Variants in KIAA1217 observed in about 807,000 individuals in gnomAD.
KIAA1217 encodes KIAA1217.
KIAA1217 carries 88 observed loss-of-function variants against 163.9 expected under a neutral mutation model. The observed-to-expected ratio is 0.54, with a 90% confidence interval of 0.45 to 0.64. The LOEUF (loss-of-function observed/expected upper bound fraction) is 0.64, where lower values mean the gene tolerates loss of function less well. Among genes scored for constraint, KIAA1217 ranks in the 30% least tolerant of loss-of-function variants. KIAA1217 has a pLI of 0.00. For missense variants in KIAA1217, 2,372 were observed against 2,475.0 expected (o/e 0.96, Z 0.88); for synonymous variants, 903 against 923.1 (o/e 0.98, Z 0.39).
At chr10:24,259,087 C>T (rs2131670314) in intron 2 of KIAA1217, among the ~76,000 whole-genome samples, 1 of 152,128 alleles carries the variant, frequency 6.6e-6, no homozygotes, top group East Asian at 1.9e-4. Flanking sequence ...TGATGAGATT[C>T]CAGCGAAAAT....
rs117605447 is a variant in KIAA1217 at position 23,871,716 on chromosome 10, C to A, written c.-320-135509C>A. Among the ~76,000 whole-genome samples the A allele has an allele frequency of 1.7e-3, 265 of 152,194 alleles. 3 individuals carry two copies. The East Asian group carries it at 0.031, about 18-fold the overall frequency. Reference sequence around the variant, plus strand: ...GGGGTTTGAACGAAACATTGATTCCCACTCCTTCAGTACTGACGTCTTTTC... The same window carrying A: ...GGGGTTTGAACGAAACATTGATTCCAACTCCTTCAGTACTGACGTCTTTTC... On this transcript the variant is annotated intron_variant, in intron 1 of 18. Coordinates refer to the KIAA1217 transcript ENST00000376462.
chr10:24,289,399 CAGTT>C (rs1460903234), intron 2 of KIAA1217, among the ~76,000 whole-genome samples: 3 of 152,054 alleles, frequency 2.0e-5, no homozygotes, highest in African/African-American at 4.8e-5. Flanking sequence ...GGCATGGAAA[CAGTT>C]GGTGGGTGGA....
Position 23,774,416 on chromosome 10 carries a change from T to C in KIAA1217, c.-321+79182T>C, listed in dbSNP as rs1162364287. The stretch of plus-strand genomic sequence containing the variant: ...TCCTGTACTTCAGAGGGTGTCACTG[T>C]GGCAAGAGGCCTGTGGAGCCAAAGA... On this transcript the variant is annotated intron_variant, in intron 1 of 18. Coordinates refer to the KIAA1217 transcript ENST00000376462. 2.0e-5 allele frequency among the ~76,000 whole-genome samples: 3 copies of C among 152,154 alleles called. No individual in the cohort carries two copies. The East Asian group carries it at 5.8e-4, about 29-fold the overall frequency.
rs113222102 is a variant in KIAA1217, at chr10:24,115,333, A to C, written c.-170-104293A>C. ...TTGCATTCATTATTTAGATGAAAGA[A>C]ATTGAACCTAAAAATGAAGCATTAT... On this transcript the variant is annotated intron_variant, in intron 2 of 18. Coordinates refer to the KIAA1217 transcript ENST00000376462. Among the ~76,000 whole-genome samples, 128 of 152,350 alleles carry C rather than the reference A, an allele frequency of 8.4e-4. 1 individual carries two copies. The highest frequency in any genetic ancestry group is 2.8e-3 in the African/African-American group (118 of 41,586).
intron 1 of KIAA1217, among the ~76,000 whole-genome samples, chr10:24,211,237 A>G (rs928422095): frequency 1.1e-4 from 16 of 152,188 alleles, no homozygotes; most frequent in African/African-American, 3.9e-4. Flanking sequence ...AACATGGGAG[A>G]AGGATGGGAG....
intron 9 of KIAA1217, 113 bp downstream of exon 9, chr10:24,501,658 G>C (rs978726006): frequency 2.3e-6 from 2 of 852,062 alleles, no homozygotes; most frequent in Non-Finnish European, 3.5e-6. Context: ...AAACAGCATG[G>C]CTTCCTCTCT....
At chr10:23,818,000 T>TACATAC (rs1433150421) in intron 1 of KIAA1217, among the ~76,000 whole-genome samples, 1 of 103,228 alleles carries the variant, frequency 9.7e-6, no homozygotes, top group African/African-American at 4.2e-5. Flanking sequence ...TATATATATA[T>TACATAC]ATATATATAC....
chr10:24,520,616 C>T (rs1392868888), intron 11 of KIAA1217, among the ~76,000 whole-genome samples: 1 of 106,516 alleles, frequency 9.4e-6, no homozygotes, highest in Non-Finnish European at 1.8e-5. Context: ...TAGAGAGACT[C>T]ACATCTCTAC....
intron 3 of KIAA1217, among the ~76,000 whole-genome samples, chr10:24,423,131 A>G (rs530392607): frequency 2.6e-3 from 393 of 151,870 alleles, no homozygotes; most frequent in African/African-American, 9.2e-3. Context: ...GTTAGTCAGG[A>G]TGGTCTCGAT....
chr10:24,017,950 C>T (rs891862193), intron 2 of KIAA1217, among the ~76,000 whole-genome samples: 1 of 151,954 alleles, frequency 6.6e-6, no homozygotes, highest in Non-Finnish European at 1.5e-5. Flanking sequence ...AGGGAGAGCA[C>T]AAAAAAGAAA....
chr10:24,425,500 TCTAGTTC>T (rs2059105469), intron 3 of KIAA1217, among the ~76,000 whole-genome samples: 1 of 152,228 alleles, frequency 6.6e-6, no homozygotes, highest in Non-Finnish European at 1.5e-5. Context: ...TTTGTATAAA[TCTAGTTC>T]CTTTCTGTTT....
At chr10:24,168,823 G>T (rs895356401) in intron 2 of KIAA1217, among the ~76,000 whole-genome samples, 1 of 152,180 alleles carries the variant, frequency 6.6e-6, no homozygotes, top group African/African-American at 2.4e-5. Flanking sequence ...TCACTTCCTG[G>T]AGAAATTATT....
chr10:23,704,172 G>GTGTGTGTGTGTATA (rs1229370789), intron 1 of KIAA1217, among the ~76,000 whole-genome samples: 17 of 39,938 alleles, frequency 4.3e-4, no homozygotes, highest in African/African-American at 1.2e-3. Flanking sequence ...GTGTGTGTGT[G>GTGTGTGTGTGTATA]TATATATATA....
intron 2 of KIAA1217, among the ~76,000 whole-genome samples, chr10:24,142,221 A>G (rs2064116642): frequency 6.6e-6 from 1 of 152,272 alleles, no homozygotes; most frequent in Non-Finnish European, 1.5e-5. Context: ...GTGGATTCAC[A>G]TACTCAAGTT....
At chr10:24,323,304 TAAAC>T (rs1159028028) in intron 2 of KIAA1217, among the ~76,000 whole-genome samples, 2 of 152,158 alleles carry the variant, frequency 1.3e-5, no homozygotes, top group Non-Finnish European at 1.5e-5. Context: ...AGTATGTTGT[TAAAC>T]ACTGGATTAA....
chr10:24,341,759 T>C (rs1199103201), intron 2 of KIAA1217, among the ~76,000 whole-genome samples: 1 of 152,204 alleles, frequency 6.6e-6, no homozygotes. Context: ...TGCTAACTAA[T>C]AGCCTTAGAC....
At chr10:24,470,537 C>T (rs2063396824) in intron 5 of KIAA1217, among the ~76,000 whole-genome samples, 1 of 152,094 alleles carries the variant, frequency 6.6e-6, no homozygotes, top group Non-Finnish European at 1.5e-5. Context: ...GGAGTGAGGA[C>T]AGCATCAGGA....
intron 3 of KIAA1217, among the ~76,000 whole-genome samples, chr10:24,422,214 A>G (rs981375635): frequency 5.9e-5 from 9 of 152,200 alleles, no homozygotes; most frequent in Non-Finnish European, 1.2e-4. Flanking sequence ...GGTCCCTCCT[A>G]TGATATGTGG....
chr10:24,028,106 G>A (rs778643457), intron 2 of KIAA1217, among the ~76,000 whole-genome samples: 1 of 152,018 alleles, frequency 6.6e-6, no homozygotes, highest in Non-Finnish European at 1.5e-5. Flanking sequence ...CATTAAGACA[G>A]CAAACATAGA....
Sources: allele counts gnomAD v4.1 joint callset (sites outside exome capture counted in the v4.1 genomes callset), GRCh38; gene constraint gnomAD v4.1.1; transcripts MANE v1.5; gene names NCBI Gene and HGNC (gene_info 2026-07-23, HGNC 2026-07-21).